Variants in NTF3 observed in about 807,000 individuals in gnomAD.
NTF3 encodes the protein neurotrophin 3.
Under a neutral mutation model 26.3 loss-of-function variants are expected in NTF3, and 8 were observed. The observed-to-expected ratio is 0.30, with a 90% CI of 0.18 to 0.55. The LOEUF (loss-of-function observed/expected upper bound fraction) is 0.55, where lower values mean the gene tolerates loss of function less well. NTF3 is among the 20% of genes least tolerant of loss of function. The pLI is 0.93. For missense variants in NTF3, 276 were observed against 352.9 expected, an observed-to-expected ratio of 0.78 and a Z score of 1.75; for synonymous variants, 154 against 145.5, an observed-to-expected ratio of 1.06 and a Z score of -0.42.
intron 1 of NTF3, among the ~76,000 whole-genome samples, chr12:5,454,454 C>A (rs1007668005): frequency 6.6e-5 from 10 of 152,128 alleles, no homozygotes; most frequent in African/African-American, 1.9e-4. Context: ...GTTAGGACTC[C>A]AGCATATCTT....
chr12:5,441,851 G>A (rs1016202617), intron 1 of NTF3, among the ~76,000 whole-genome samples: 14 of 152,154 alleles, frequency 9.2e-5, no homozygotes, highest in Non-Finnish European at 1.5e-4. Context: ...GCGCTTGGTG[G>A]CCAGAAAAGG....
chr12:5,474,288 A>G (rs1361251405), intron 1 of NTF3, among the ~76,000 whole-genome samples: 1 of 152,234 alleles, frequency 6.6e-6, no homozygotes, highest in Non-Finnish European at 1.5e-5. Flanking sequence ...CAGACAGGCA[A>G]GAAAAAGGAT....
At position 5,469,225 on chromosome 12, in the gene NTF3, G is replaced by A. The variant is rs567433175; in HGVS notation, c.19-24969G>A. Among the ~76,000 whole-genome samples, 6 of 152,306 alleles carry A rather than the reference G, an allele frequency of 3.9e-5. No homozygotes were observed. The South Asian group carries it at 1.2e-3, about 32-fold the overall frequency. On this transcript the variant is annotated intron_variant, in intron 1 of 1. Coordinates refer to ENST00000423158, the MANE Select transcript of NTF3 (RefSeq NM_001102654.2). ...TTGCCAGAGCTGGGCACTTAAGAGAGAAAAGGGTTTTTGTGAATTCCAAAA... is the reference window on the plus strand; with the variant it reads ...TTGCCAGAGCTGGGCACTTAAGAGAAAAAAGGGTTTTTGTGAATTCCAAAA...
intron 1 of NTF3, among the ~76,000 whole-genome samples, chr12:5,450,851 C>T (rs61907674): frequency 0.67 from 101,900 of 152,016 alleles, 34,245 homozygotes; most frequent in South Asian, 0.73. Context: ...ACAGGGCTTT[C>T]TGTGGCCTTG....
Position 5,494,317 on chromosome 12 carries a change from A to G in NTF3, c.142A>G (p.Ile48Val). ...SLPEDSLNSL[I>V]IKLIQADILK... ...GCCAGAAGACTCGCTCAATTCCCTC[A>G]TTATTAAGCTGATCCAGGCAGATAT... Residue 48 changes from isoleucine to valine, a missense_variant, in exon 2 of 2, where the codon ATT (isoleucine) becomes GTT (valine). This residue lies in a region of NTF3 where 221 missense variants were observed against 258.2 expected (regional missense o/e 0.86). Coordinates refer to ENST00000423158, the MANE Select transcript of NTF3 (RefSeq NM_001102654.2). The surrounding 1 kb of genome is among the most constrained non-coding windows in gnomAD (Gnocchi z 8.3). The G allele has an allele frequency of 6.2e-7, 1 of 1,614,096 alleles. No individual in the cohort carries two copies. The highest frequency in any genetic ancestry group is 8.5e-7 in the Non-Finnish European group (1 of 1,180,018).
rs1940456224 is a variant in NTF3, at chr12:5,456,685, G to A, written c.18+24343G>A. On this transcript the variant is annotated intron_variant, in intron 1 of 1. Transcript: ENST00000423158. The surrounding 1 kb of genome is among the most constrained non-coding windows in gnomAD (Gnocchi z 4.4). ...CTGAGGGTCTGGCTCTGGGAGGGGAGGTTTGTGTAAGATTCCCTCCCACGG... is the reference window on the plus strand; with the variant it reads ...CTGAGGGTCTGGCTCTGGGAGGGGAAGTTTGTGTAAGATTCCCTCCCACGG... Among the ~76,000 whole-genome samples the A allele has an allele frequency of 6.6e-6, 1 of 152,180 alleles. No homozygotes were observed.
At chr12:5,453,620 T>G (rs753890806) in intron 1 of NTF3, among the ~76,000 whole-genome samples, 18 of 152,238 alleles carry the variant, frequency 1.2e-4, no homozygotes, top group Non-Finnish European at 2.6e-4. Context: ...TATTTATTCT[T>G]CCAACAGATG....
intron 1 of NTF3, among the ~76,000 whole-genome samples, chr12:5,448,906 G>A (rs1940337759): frequency 6.6e-6 from 1 of 152,216 alleles, no homozygotes; most frequent in Admixed American, 6.5e-5. Flanking sequence ...TTCTAAAAAA[G>A]CCACTCATTC....
At chr12:5,453,382 A>G (rs1164629089) in intron 1 of NTF3, among the ~76,000 whole-genome samples, 1 of 152,056 alleles carries the variant, frequency 6.6e-6, no homozygotes, top group Non-Finnish European at 1.5e-5. Context: ...TTCCCTAAGA[A>G]TATTGCTGTT....
At chr12:5,480,613 G>A (rs1408294603) in intron 1 of NTF3, among the ~76,000 whole-genome samples, 4 of 152,138 alleles carry the variant, frequency 2.6e-5, no homozygotes, top group Non-Finnish European at 5.9e-5. Flanking sequence ...CCTCCAACCT[G>A]ATCCCAGTCC....
At chr12:5,437,884 C>T (rs1269305666) in intron 1 of NTF3, among the ~76,000 whole-genome samples, 3 of 152,140 alleles carry the variant, frequency 2.0e-5, no homozygotes, top group East Asian at 3.9e-4. Flanking sequence ...GATGTGCGTG[C>T]GTGCGTGCTG....
At chr12:5,477,339 C>A (rs952375165) in intron 1 of NTF3, among the ~76,000 whole-genome samples, 10 of 152,122 alleles carry the variant, frequency 6.6e-5, no homozygotes, top group African/African-American at 1.9e-4. Flanking sequence ...TTTATAATTC[C>A]GAAACCCAAA....
At chr12:5,435,778 T>C (rs558647522) in intron 1 of NTF3, among the ~76,000 whole-genome samples, 10 of 152,282 alleles carry the variant, frequency 6.6e-5, no homozygotes, top group African/African-American at 2.4e-4. Flanking sequence ...TTTGATGTTT[T>C]CTGGGCTACG....
intron 1 of NTF3, among the ~76,000 whole-genome samples, chr12:5,455,565 CACACACACACACACACACAT>C (rs1489704971): frequency 5.5e-5 from 8 of 146,012 alleles, no homozygotes; most frequent in Admixed American, 2.1e-4. Context: ...CACACACACA[CACACACACACACACACACAT>C]AGCCCCTGTG....
chr12:5,462,143 C>T (rs1028604509), intron 1 of NTF3, among the ~76,000 whole-genome samples: 1 of 152,214 alleles, frequency 6.6e-6, no homozygotes, highest in Non-Finnish European at 1.5e-5. Flanking sequence ...TTACAACATT[C>T]TTTTCCACTG....
intron 1 of NTF3, among the ~76,000 whole-genome samples, chr12:5,441,869 T>G (rs962243957): frequency 2.0e-5 from 3 of 152,230 alleles, no homozygotes; most frequent in African/African-American, 7.2e-5. Flanking sequence ...AGGCTGTTCT[T>G]ACTCCCTTTT....
At chr12:5,454,166 A>C (rs1442335830) in intron 1 of NTF3, among the ~76,000 whole-genome samples, 2 of 152,206 alleles carry the variant, frequency 1.3e-5, no homozygotes, top group Admixed American at 1.3e-4. Flanking sequence ...TTTCATCTGA[A>C]GGCCCAGGGA....
chr12:5,488,722 C>T (rs775946458), intron 1 of NTF3, among the ~76,000 whole-genome samples: 21 of 152,094 alleles, frequency 1.4e-4, no homozygotes, highest in Non-Finnish European at 2.8e-4. Flanking sequence ...CTGAACAAGA[C>T]ATTAGGGTTA....
At chr12:5,431,589 G>A (rs1325828073), upstream of NTF3, among the ~76,000 whole-genome samples, 1 of 152,018 alleles carries the variant, frequency 6.6e-6, no homozygotes, top group Non-Finnish European at 1.5e-5. Flanking sequence ...GGGGTGGGGA[G>A]AGATCTGGAG....
Sources: gnomAD v4.1 joint callset for allele counts (sites outside exome capture counted in the v4.1 genomes callset) on GRCh38, gnomAD v4.1.1 for gene constraint, gnomAD v4.1.1 regional missense constraint, Gnocchi (gnomAD v3.1) non-coding constraint, MANE v1.5 for transcripts, NCBI Gene and HGNC (gene_info 2026-07-23, HGNC 2026-07-21) for gene names.